SUGP2: variants seen among roughly 807,000 people sequenced by gnomAD.
The protein encoded by SUGP2 is SURP and G-patch domain-containing protein 2.
In SUGP2, 24 loss-of-function variants were observed where a neutral mutation model predicts 90.5. That is an observed-to-expected ratio of 0.27 (90% CI 0.19 to 0.37). The LOEUF (loss-of-function observed/expected upper bound fraction) is 0.37. Ranked by LOEUF, SUGP2 falls within the 10% of genes least tolerant of loss-of-function variation. The pLI, the probability that SUGP2 is intolerant of heterozygous loss-of-function variation, is 1.00. For missense variants in SUGP2, 1,233 were observed against 1,363.3 expected (o/e 0.90, Z 1.51); for synonymous variants, 473 against 513.4 (o/e 0.92, Z 1.06).
chr19:18,999,207 C>T (rs934012235), intron 8 of SUGP2, among the ~76,000 whole-genome samples: 2 of 152,130 alleles, frequency 1.3e-5, no homozygotes, highest in Non-Finnish European at 2.9e-5. Context: ...AAAGCCAAGC[C>T]CTGTGGGCGA....
chr19:19,017,047 T>C (rs963775111), intron 4 of SUGP2, among the ~76,000 whole-genome samples: 1 of 152,158 alleles, frequency 6.6e-6, no homozygotes, highest in Non-Finnish European at 1.5e-5. Flanking sequence ...TCTTTAGTAA[T>C]TACAACAGCA....
chr19:19,033,549 G>C, upstream of SUGP2: 1 of 1,287,198 alleles, frequency 7.8e-7, no homozygotes, highest in Non-Finnish European at 9.8e-7. Context: ...CCGCAGCGCC[G>C]CGCCGCGCAG....
chr19:19,030,647 G>A (rs1212227123), intron 2 of SUGP2, among the ~76,000 whole-genome samples: 1 of 151,804 alleles, frequency 6.6e-6, no homozygotes, highest in Non-Finnish European at 1.5e-5. Context: ...CTGACCAAGT[G>A]CAGTGGCTCA....
At chr19:19,018,599 A>G (rs1405932217) in intron 4 of SUGP2, among the ~76,000 whole-genome samples, 1 of 146,466 alleles carries the variant, frequency 6.8e-6, no homozygotes, top group Non-Finnish European at 1.5e-5. Flanking sequence ...AGGCAGGACA[A>G]AGGCATGAAC....
At chr19:18,995,495 G>A (rs2057538840) in intron 8 of SUGP2, among the ~76,000 whole-genome samples, 1 of 152,228 alleles carries the variant, frequency 6.6e-6, no homozygotes, top group Non-Finnish European at 1.5e-5. Context: ...GGTCAGTCGT[G>A]CCTCTCAGCT....
Position 19,025,911 on chromosome 19 carries a change from T to C in SUGP2, c.437A>G (p.Gln146Arg). 1.2e-6 allele frequency: 2 copies of C among 1,614,204 alleles called. No homozygotes were observed. Among genetic ancestry groups the C allele is most frequent in the Non-Finnish European group, 1.7e-6 (2 of 1,180,030 alleles). ...TTGAGAAACTGGATGGCCAAAGTCT[T>C]GTTCCCAAGAACCACGGAGCGCAAA... ...WKFALRGSWE[Q>R]DFGHPVSQES... is the part of the protein sequence containing the mutation. Residue 146 changes from glutamine to arginine, a missense_variant, in exon 3 of 11, where the codon CAA becomes CGA. Physicochemically the swap from Gln to Arg is conservative, Grantham distance 43 (BLOSUM62 1). This residue lies in a region of SUGP2 where 418 missense variants were observed against 399.9 expected (regional missense o/e 1.05). Transcript: ENST00000452918.
At chr19:19,018,285 T>C (rs1207394131) in intron 4 of SUGP2, among the ~76,000 whole-genome samples, 1 of 152,124 alleles carries the variant, frequency 6.6e-6, no homozygotes, top group Non-Finnish European at 1.5e-5. Flanking sequence ...TAAGCCAAGA[T>C]TGCGCCACTG....
At chr19:18,994,531 C>T (rs377108997) in intron 9 of SUGP2, 45 bp from the exon 10 acceptor site, 5 of 1,605,260 alleles carry the variant, frequency 3.1e-6, no homozygotes, top group Non-Finnish European at 4.3e-6. Flanking sequence ...GAGCCCAGGG[C>T]CTGGCATGCC....
chr19:19,028,947 A>G (rs2059037172), intron 2 of SUGP2, among the ~76,000 whole-genome samples: 1 of 152,162 alleles, frequency 6.6e-6, no homozygotes, highest in Non-Finnish European at 1.5e-5. Flanking sequence ...TTGGCCTCCC[A>G]AAGTGCTGAG....
chr19:19,018,317 G>T (rs1345546593), intron 4 of SUGP2, among the ~76,000 whole-genome samples: 1 of 152,056 alleles, frequency 6.6e-6, no homozygotes, highest in Non-Finnish European at 1.5e-5. Flanking sequence ...GGGTGACAGA[G>T]CAAGACTCTT....
intron 8 of SUGP2, among the ~76,000 whole-genome samples, chr19:18,995,798 T>G (rs1201946681): frequency 6.6e-6 from 1 of 152,180 alleles, no homozygotes; most frequent in Non-Finnish European, 1.5e-5. Context: ...ATTGTCTGTC[T>G]GTCCTCAGGA....
In SUGP2 at chr19:19,031,022, T is replaced by C. The variant is rs2059130368; in HGVS notation, c.50A>G (p.Glu17Gly). 6.2e-7 allele frequency: 1 copy of C among 1,613,980 alleles called. No individual in the cohort carries two copies. The change falls in exon 2 of 11, where the codon GAA (glutamate) becomes GGA (glycine). Residue 17 changes from glutamate (E) to glycine (G), a missense_variant. Around this residue, in one of 8 missense-constraint regions of SUGP2, gnomAD observed 418 missense variants for 399.9 expected, o/e 1.05. Coordinates refer to ENST00000452918, the MANE Select transcript of SUGP2 (RefSeq NM_001017392.5). ...TQETFDAVLQ[E>G]KAKRYHMDAS... Reference sequence around the variant, plus strand: ...ATCCATGTGATATCGTTTGGCTTTTTCTTGTAATACAGCATCAAAAGTCTC... The same window carrying C: ...ATCCATGTGATATCGTTTGGCTTTTCCTTGTAATACAGCATCAAAAGTCTC...
chr19:19,032,957 G>A (rs1023456148), intron 1 of SUGP2: 1 of 125,926 alleles, frequency 7.9e-6, no homozygotes, highest in South Asian at 2.4e-4. Context: ...GCGCCCCCTT[G>A]TTCTCTGCTG....
rs1215591569 is a variant in SUGP2 at position 19,025,718 on chromosome 19, C to T, written c.630G>A (p.Gln210=). The T allele has an allele frequency of 6.2e-7, 1 of 1,614,022 alleles. No individual in the cohort carries two copies. Residue 210 remains glutamine, a synonymous_variant, in exon 3 of 11, where the codon CAG becomes CAA. Coordinates refer to ENST00000452918, the MANE Select transcript of SUGP2 (RefSeq NM_001017392.5). ...CGATGTTTAGAGCTCGACCTCTGGC[C>T]TGGACTTGACTGCCGCCCCTAAGCA... The part of the protein sequence containing the change: ...DSVLRGGSQV[Q]ARGRALNIVD...
chr19:19,012,172 C>T (rs1268900114), intron 4 of SUGP2, among the ~76,000 whole-genome samples: 1 of 152,208 alleles, frequency 6.6e-6, no homozygotes, highest in East Asian at 1.9e-4. Context: ...GACTGAGTAC[C>T]GGCTCCACTG....
rs2057363213 is a variant in SUGP2, at chr19:18,991,594, T to C, written c.*2147A>G. 1 of 152,210 alleles carries C rather than the reference T, an allele frequency of 6.6e-6. No individual in the cohort carries two copies. Among genetic ancestry groups the C allele is most frequent in the Non-Finnish European group, 1.5e-5 (1 of 68,052 alleles). The allele number at this position is 152,210 out of a possible 1,614,324, so 9.4% of individuals were successfully genotyped here. A position where few individuals can be genotyped will look rare whatever the true frequency, so the allele number is the denominator to read the frequency against. On this transcript the variant is annotated 3_prime_UTR_variant, in exon 11 of 11. Coordinates refer to ENST00000452918, the MANE Select transcript of SUGP2 (RefSeq NM_001017392.5). ...AAGTGGAGAAAGTCAAGAATGAACA[T>C]GCTAGGACAAAGCACATGGAATGGT...
In SUGP2 at chr19:19,009,919, G is replaced by T; in HGVS notation, c.2274C>A (p.Pro758=). The T allele has an allele frequency of 3.1e-6, 5 of 1,614,176 alleles. No individual in the cohort carries two copies. The highest frequency in any genetic ancestry group is 1.6e-4 in the Middle Eastern group (1 of 6,062). Residue 758 remains proline, a synonymous_variant, in exon 5 of 11, where the codon CCC becomes CCA. Transcript: ENST00000452918. ...CAGAGATGTCCACTCCTGCTGGCTTGGGGGATGGGCCTGAGGCTTCTAAGC... is the reference window on the plus strand; with the variant it reads ...CAGAGATGTCCACTCCTGCTGGCTTTGGGGATGGGCCTGAGGCTTCTAAGC... The part of the protein sequence containing the change: ...DPSLEASGPS[P]KPAGVDISEA...
intron 4 of SUGP2, among the ~76,000 whole-genome samples, chr19:19,017,265 T>C (rs554871214): frequency 2.6e-5 from 4 of 152,294 alleles, no homozygotes; most frequent in East Asian, 1.9e-4. Flanking sequence ...AGATAACCTA[T>C]GGAGAGTAAT....
At chr19:18,995,416 T>G in intron 8 of SUGP2, 136 bp from the exon 9 acceptor site, 1 of 1,039,138 alleles carries the variant, frequency 9.6e-7, no homozygotes, top group Non-Finnish European at 1.3e-6. Context: ...CAAGCTCCAG[T>G]CACTTCCCCA....
Sources: allele counts gnomAD v4.1 joint callset (sites outside exome capture counted in the v4.1 genomes callset), GRCh38; gene constraint gnomAD v4.1.1; regional missense constraint gnomAD v4.1.1; transcripts MANE v1.5; gene names NCBI Gene and HGNC (gene_info 2026-07-23, HGNC 2026-07-21).